Variants in ZNRF1 observed in about 807,000 individuals in gnomAD.
ZNRF1 encodes the protein E3 ubiquitin-protein ligase ZNRF1.
ZNRF1 carries 3 observed loss-of-function variants against 18.4 expected under a neutral mutation model. That is an observed-to-expected ratio of 0.16 (90% CI 0.07 to 0.42). The LOEUF (loss-of-function observed/expected upper bound fraction) is 0.42. Among genes scored for constraint, ZNRF1 ranks in the 10% least tolerant of loss-of-function variants. The pLI, the probability that ZNRF1 is intolerant of heterozygous loss-of-function variation, is 0.99. For missense variants in ZNRF1, 310 were observed against 329.8 expected (o/e 0.94, Z 0.47); for synonymous variants, 157 against 144.2 (o/e 1.09, Z -0.64).
intron 1 of ZNRF1, among the ~76,000 whole-genome samples, chr16:75,004,407 G>A (rs1339398221): frequency 6.6e-6 from 1 of 152,058 alleles, no homozygotes; most frequent in Non-Finnish European, 1.5e-5. Flanking sequence ...TTCTAAATGT[G>A]GGGTACAAAA....
intron 1 of ZNRF1, among the ~76,000 whole-genome samples, chr16:75,047,957 CTT>C (rs35369673): frequency 6.8e-6 from 1 of 147,320 alleles, no homozygotes. Context: ...CCTCATCATT[CTT>C]TTTTTTTTTT....
intron 1 of ZNRF1, among the ~76,000 whole-genome samples, chr16:75,069,948 G>A (rs1450147338): frequency 6.6e-6 from 1 of 152,118 alleles, no homozygotes; most frequent in Non-Finnish European, 1.5e-5. Flanking sequence ...TTACCCAGTT[G>A]CCCAAGCGAG....
intron 1 of ZNRF1, chr16:75,046,959 T>A (rs907210151): frequency 2.6e-5 from 4 of 152,648 alleles, no homozygotes; most frequent in African/African-American, 9.6e-5. Flanking sequence ...AATGTTTATA[T>A]TATTTTTTAT....
At chr16:75,053,538 G>A (rs1014376040) in intron 1 of ZNRF1, among the ~76,000 whole-genome samples, 1 of 140,664 alleles carries the variant, frequency 7.1e-6, no homozygotes, top group Admixed American at 7.6e-5. Context: ...GCGGTGAGCC[G>A]AGATCACACC....
Position 75,109,284 on chromosome 16 carries a change from C to T in ZNRF1, c.*1584C>T, listed in dbSNP as rs1239814381. On this transcript the variant is annotated 3_prime_UTR_variant, in exon 5 of 5. Transcript: ENST00000335325. ...CAGGGAGCAGCAGTGCAGGCCTGGCCTGTGTCCCCGTGCCCAGCGGGCTCC... is the reference window on the plus strand; with the variant it reads ...CAGGGAGCAGCAGTGCAGGCCTGGCTTGTGTCCCCGTGCCCAGCGGGCTCC... The T allele has an allele frequency of 6.6e-6, 1 of 152,532 alleles. No homozygotes were observed. The highest frequency in any genetic ancestry group is 1.9e-4 in the East Asian group (1 of 5,212). The allele number at this position is 152,532 out of a possible 1,614,324, so 9.4% of individuals were successfully genotyped here. A position where few individuals can be genotyped will look rare whatever the true frequency, so the allele number is the denominator to read the frequency against.
Position 75,031,194 on chromosome 16 carries a change from C to T in ZNRF1, c.424+31099C>T, listed in dbSNP as rs183630425. Among the ~76,000 whole-genome samples, 26 of 150,326 alleles carry T rather than the reference C, an allele frequency of 1.7e-4. No individual in the cohort carries two copies. The East Asian group carries it at 2.4e-3, about 14-fold the overall frequency. On this transcript the variant is annotated intron_variant, in intron 1 of 4. Transcript: ENST00000335325. Reference sequence around the variant, plus strand: ...TTGCCCAGGCTGGAGTGAACTGGCACGATCTTGGCTCTCCGCAATCTCCGC... The same window carrying T: ...TTGCCCAGGCTGGAGTGAACTGGCATGATCTTGGCTCTCCGCAATCTCCGC...
chr16:75,101,620 T>C (rs1409458774), intron 2 of ZNRF1, among the ~76,000 whole-genome samples: 2 of 152,224 alleles, frequency 1.3e-5, no homozygotes. Flanking sequence ...TAGACCCGTT[T>C]ATCCATCCAC....
At chr16:75,023,164 T>C (rs919851696) in intron 1 of ZNRF1, among the ~76,000 whole-genome samples, 23 of 152,222 alleles carry the variant, frequency 1.5e-4, no homozygotes, top group Non-Finnish European at 2.9e-4. Context: ...TAAGTTCTTA[T>C]GACTTGAAAT....
chr16:75,070,472 C>G (rs550514427), intron 1 of ZNRF1, among the ~76,000 whole-genome samples: 1 of 152,208 alleles, frequency 6.6e-6, no homozygotes, highest in African/African-American at 2.4e-5. Flanking sequence ...GCCCCCGATC[C>G]TGCTTTCCTC....
intron 1 of ZNRF1, among the ~76,000 whole-genome samples, chr16:75,079,411 C>T (rs1439856673): frequency 2.0e-5 from 3 of 152,170 alleles, no homozygotes; most frequent in Non-Finnish European, 4.4e-5. Context: ...ACCAGGGAAG[C>T]AGAGGTTGCG....
chr16:75,098,099 G>A (rs112470436), intron 2 of ZNRF1, among the ~76,000 whole-genome samples: 11 of 152,358 alleles, frequency 7.2e-5, no homozygotes, highest in African/African-American at 2.4e-4. Flanking sequence ...GTCAGACTGC[G>A]GAGGTGTCTG....
chr16:75,018,670 A>C (rs1333568381), intron 1 of ZNRF1, among the ~76,000 whole-genome samples: 1 of 151,990 alleles, frequency 6.6e-6, no homozygotes, highest in Non-Finnish European at 1.5e-5. Flanking sequence ...TTCTCCTTTC[A>C]GTTGTAAATG....
chr16:75,083,269 C>T (rs144159281), intron 1 of ZNRF1, among the ~76,000 whole-genome samples: 246 of 152,348 alleles, frequency 1.6e-3, no homozygotes, highest in African/African-American at 5.7e-3. Context: ...CTGCACAGAG[C>T]AGTCACACAT....
intron 1 of ZNRF1, among the ~76,000 whole-genome samples, chr16:75,045,453 C>A (rs2035502908): frequency 6.6e-6 from 1 of 152,074 alleles, no homozygotes; most frequent in African/African-American, 2.4e-5. Context: ...GAGGTGGGAC[C>A]AGTGCAAATT....
Position 75,000,003 on chromosome 16 carries a change from A to G in ZNRF1, c.332A>G (p.His111Arg). ...TACCAGGAGACGGGCGGCGGTCACCATAGAGACGGGATGCTGTACCTGGGC... is the reference window on the plus strand; with the variant it reads ...TACCAGGAGACGGGCGGCGGTCACCGTAGAGACGGGATGCTGTACCTGGGC... ...NGYQETGGGHHRDGMLYLGSR... is the reference protein window; with the variant it reads ...NGYQETGGGHRRDGMLYLGSR... The change falls in exon 1 of 5, where the codon CAT becomes CGT. Residue 111 changes from histidine to arginine, a missense_variant. By Grantham distance (29) the His-to-Arg change is conservative. Coordinates refer to ENST00000335325, the MANE Select transcript of ZNRF1 (RefSeq NM_032268.5). 1.3e-6 allele frequency: 2 copies of G among 1,589,234 alleles called. No homozygotes were observed. Among genetic ancestry groups the G allele is most frequent in the South Asian group, 1.1e-5 (1 of 87,152 alleles).
chr16:75,067,653 A>AT, intron 1 of ZNRF1, among the ~76,000 whole-genome samples: 1 of 152,362 alleles, frequency 6.6e-6, no homozygotes, highest in East Asian at 1.9e-4. Flanking sequence ...AGAAAGACCC[A>AT]TATACATACG....
chr16:75,012,947 A>G (rs1245081951), intron 1 of ZNRF1, among the ~76,000 whole-genome samples: 1 of 152,208 alleles, frequency 6.6e-6, no homozygotes, highest in Non-Finnish European at 1.5e-5. Context: ...TTTGATGCAT[A>G]AGAGCCAGCA....
At chr16:75,089,542 AT>A (rs2036111919) in intron 1 of ZNRF1, among the ~76,000 whole-genome samples, 1 of 152,126 alleles carries the variant, frequency 6.6e-6, no homozygotes, top group Admixed American at 6.5e-5. Context: ...CAGAGGTAAT[AT>A]TTCCCAACAT....
chr16:75,043,790 C>CTTT (rs59324869), intron 1 of ZNRF1, among the ~76,000 whole-genome samples: 7 of 75,190 alleles, frequency 9.3e-5, no homozygotes, highest in African/African-American at 2.7e-4. Context: ...TTGCTTTGTA[C>CTTT]TTTTTTTTTT....
Sources: gnomAD v4.1 joint callset for allele counts (sites outside exome capture counted in the v4.1 genomes callset) on GRCh38, gnomAD v4.1.1 for gene constraint, MANE v1.5 for transcripts, NCBI Gene and HGNC (gene_info 2026-07-23, HGNC 2026-07-21) for gene names.